The following PCID2 variants were observed in gnomAD, a reference collection of about 807,000 sequenced individuals.
PCID2 encodes PCI domain containing 2.
A neutral mutation model predicts 61.3 loss-of-function variants in PCID2; 41 were observed. The observed-to-expected ratio is 0.67, with a 90% CI of 0.52 to 0.87. The LOEUF (loss-of-function observed/expected upper bound fraction) is 0.87. PCID2 is among the 40% of genes least tolerant of loss of function. PCID2 has a pLI of 0.00. For missense variants in PCID2, 392 were observed against 493.4 expected (o/e 0.79, Z 1.95); for synonymous variants, 187 against 177.8 (o/e 1.05, Z -0.41).
chr13:113,201,010 T>G (rs1595260003), intron 1 of PCID2, among the ~76,000 whole-genome samples: 2 of 152,346 alleles, frequency 1.3e-5, no homozygotes, highest in East Asian at 3.9e-4. Context: ...TAGCTCTTCA[T>G]GAAGATGAAT....
At chr13:113,183,941 T>G in intron 9 of PCID2, 5 of 985,382 alleles carry the variant, frequency 5.1e-6, no homozygotes, top group Non-Finnish European at 6.0e-6. Flanking sequence ...TTCTAAGTCA[T>G]CTCCATGCGG....
At chr13:113,200,658 G>T in intron 1 of PCID2, 142 bp from the exon 2 acceptor site, 2 of 526,524 alleles carry the variant, frequency 3.8e-6, no homozygotes, top group Admixed American at 3.2e-5. Flanking sequence ...AAATGTAACA[G>T]ATGGTCACTA....
intron 4 of PCID2, 159 bp downstream of exon 4, chr13:113,197,019 C>G: frequency 6.2e-7 from 1 of 1,609,722 alleles, no homozygotes; most frequent in African/African-American, 1.3e-5. Context: ...ATTTAAGTAC[C>G]CAAGTGAAAG....
At chr13:113,176,013 G>C (rs1027347272), downstream of PCID2, among the ~76,000 whole-genome samples, 1 of 152,232 alleles carries the variant, frequency 6.6e-6, no homozygotes, top group African/African-American at 2.4e-5. Context: ...GAGCCCACAA[G>C]CTTCCCCGCC....
chr13:113,174,235 C>T (rs2037156637), downstream of PCID2, among the ~76,000 whole-genome samples: 1 of 146,164 alleles, frequency 6.8e-6, no homozygotes, highest in Admixed American at 6.9e-5. Flanking sequence ...GAGACTCCAT[C>T]TCAAAAAAAA....
the PCID2 span, chr13:113,170,372 A>G: frequency 7.8e-7 from 1 of 1,281,546 alleles, no homozygotes; most frequent in African/African-American, 1.5e-5. Flanking sequence ...TAATCCTGCA[A>G]ATTGTCACCA....
At chr13:113,170,611 A>C in the PCID2 span, 1 of 904,354 alleles carries the variant, frequency 1.1e-6, no homozygotes, top group Non-Finnish European at 1.8e-6. Flanking sequence ...CAAATTTAAA[A>C]CTGGACTGTT....
chr13:113,202,196 A>G (rs1390591366), intron 1 of PCID2, among the ~76,000 whole-genome samples: 3 of 152,242 alleles, frequency 2.0e-5, no homozygotes, highest in Non-Finnish European at 4.4e-5. Context: ...CCAGGTGTCC[A>G]TACCCAGAAG....
the PCID2 span, chr13:113,171,812 G>A: frequency 1.2e-6 from 2 of 1,613,518 alleles, no homozygotes; most frequent in South Asian, 1.1e-5. The surrounding 1 kb of genome is among the most constrained non-coding windows in gnomAD (Gnocchi z 5.1). Context: ...CAGCGGCTGG[G>A]CACGCAATGG....
At position 113,179,643 on chromosome 13, in the gene PCID2, C is replaced by G. The variant is rs9324223; in HGVS notation, c.986+274G>C. ...TGTGTGCTCTGATGAAATGTGGTAC[C>G]GCGGCTCTCAGGGCTGATGTTCTCA... is the stretch of plus-strand genomic sequence containing the variant. On this transcript the variant is annotated intron_variant, in intron 12 of 13. Coordinates refer to ENST00000337344, the MANE Select transcript of PCID2 (RefSeq NM_001127202.4). The surrounding 1 kb of genome is among the most constrained non-coding windows in gnomAD (Gnocchi z 4.3). Among the ~76,000 whole-genome samples, 1 of 152,096 alleles carries G rather than the reference C, an allele frequency of 6.6e-6. No individual in the cohort carries two copies. Among genetic ancestry groups the G allele is most frequent in the Non-Finnish European group, 1.5e-5 (1 of 68,010 alleles).
At chr13:113,178,734 G>A (rs1478545506) in intron 13 of PCID2, among the ~76,000 whole-genome samples, 1 of 152,120 alleles carries the variant, frequency 6.6e-6, no homozygotes, top group Non-Finnish European at 1.5e-5. Context: ...TTGGAGAATC[G>A]ACAGATACCG....
At chr13:113,186,771 C>T (rs1396123626) in intron 7 of PCID2, 1 of 152,246 alleles carries the variant, frequency 6.6e-6, no homozygotes, top group East Asian at 1.9e-4. Flanking sequence ...CTGCGCCACA[C>T]AGCGGGGGTG....
chr13:113,206,593 T>G (rs1018488556), intron 1 of PCID2, among the ~76,000 whole-genome samples: 2 of 152,256 alleles, frequency 1.3e-5, no homozygotes, highest in Non-Finnish European at 2.9e-5. Context: ...TTGGCACTTA[T>G]GTTCCTATAC....
In PCID2 at chr13:113,195,052, G is replaced by A. The variant is rs1161577847; in HGVS notation, c.363+19C>T. ...CAAGTTTTAGTTTTAAAATAATAAT[G>A]ACAGCAAATTAAACTTACATTATTG... On this transcript the variant is annotated intron_variant, in intron 6 of 13. Coordinates refer to ENST00000337344, the MANE Select transcript of PCID2 (RefSeq NM_001127202.4). The A allele has an allele frequency of 5.9e-6, 9 of 1,525,554 alleles. No homozygotes were observed. The highest frequency in any genetic ancestry group is 8.2e-6 in the Non-Finnish European group (9 of 1,099,142). The allele number at this position is 1,525,554 out of a possible 1,614,324, so 94.5% of individuals were successfully genotyped here. A position where few individuals can be genotyped will look rare whatever the true frequency, so the allele number is the denominator to read the frequency against.
chr13:113,168,683 G>T, the PCID2 span, among the ~76,000 whole-genome samples: 1 of 152,162 alleles, frequency 6.6e-6, no homozygotes, highest in Non-Finnish European at 1.5e-5. Flanking sequence ...TGAGATTCTT[G>T]TATTTGTGGG....
chr13:113,187,049 T>A (rs2038179117), intron 7 of PCID2: 1 of 152,214 alleles, frequency 6.6e-6, no homozygotes, highest in Admixed American at 6.5e-5. Context: ...GTCTATGACT[T>A]TTATCATTCC....
Position 113,190,855 on chromosome 13 carries a change from C to T in PCID2, c.467+17G>A, listed in dbSNP as rs59683986. On this transcript the variant is annotated intron_variant, in intron 7 of 13. Transcript: ENST00000337344. Reference sequence around the variant, plus strand: ...CACCAACAGCGTCTGGTGGTCGGTCCTCAAGTCCTTACTCACGTGTCGCTG... The same window carrying T: ...CACCAACAGCGTCTGGTGGTCGGTCTTCAAGTCCTTACTCACGTGTCGCTG... 5,637 of 1,559,344 alleles carry T rather than the reference C, an allele frequency of 3.6e-3. 136 individuals carry two copies. The African/African-American group carries it at 0.059, about 16-fold the overall frequency.
intron 9 of PCID2, among the ~76,000 whole-genome samples, chr13:113,182,880 G>A (rs374238467): frequency 6.6e-6 from 1 of 151,968 alleles, no homozygotes; most frequent in South Asian, 2.1e-4. Context: ...AATATATTTC[G>A]GTTGGAGTCA....
At chr13:113,196,288 A>T in intron 4 of PCID2, 66 bp from the exon 5 acceptor site, 2 of 1,245,458 alleles carry the variant, frequency 1.6e-6, no homozygotes, top group Non-Finnish European at 2.3e-6. Flanking sequence ...AAAGTAAAGA[A>T]TAAGAATCTA....
Sources: gnomAD v4.1 joint callset for allele counts (sites outside exome capture counted in the v4.1 genomes callset) on GRCh38, gnomAD v4.1.1 for gene constraint, Gnocchi (gnomAD v3.1) non-coding constraint, MANE v1.5 for transcripts, NCBI Gene and HGNC (gene_info 2026-07-23, HGNC 2026-07-21) for gene names.